The following IPO11 variants were observed in gnomAD, a reference collection of about 807,000 sequenced individuals.
IPO11 encodes importin-11.
In IPO11, 66 loss-of-function variants were observed where a neutral mutation model predicts 143.2. The ratio of observed to expected loss-of-function variants is 0.46; its 90% CI spans 0.38 to 0.57. IPO11 has a LOEUF of 0.57. Ranked by LOEUF, IPO11 falls within the 20% of genes least tolerant of loss-of-function variation. IPO11 has a pLI of 0.00. For missense variants in IPO11, 1,026 were observed against 1,141.0 expected (o/e 0.90, Z 1.45); for synonymous variants, 385 against 377.8 (o/e 1.02, Z -0.22).
intron 20 of IPO11, among the ~76,000 whole-genome samples, chr5:62,520,622 T>C (rs1438125042): frequency 6.6e-6 from 1 of 152,174 alleles, no homozygotes; most frequent in East Asian, 1.9e-4. Flanking sequence ...GAACGTGCTG[T>C]GTTTGGTTTT....
chr5:62,449,681 C>G (rs1744841206), intron 3 of IPO11: 1 of 296,374 alleles, frequency 3.4e-6, no homozygotes, highest in Admixed American at 5.1e-5. Context: ...TGCCAGTGTA[C>G]AAGTAATAGA....
At chr5:62,496,123 A>G (rs1280398593) in intron 16 of IPO11, among the ~76,000 whole-genome samples, 1 of 152,062 alleles carries the variant, frequency 6.6e-6, no homozygotes. Context: ...CCCCATCTCT[A>G]CTAAAAATAC....
At chr5:62,448,517 T>C (rs1179918457) in intron 3 of IPO11, among the ~76,000 whole-genome samples, 1 of 152,226 alleles carries the variant, frequency 6.6e-6, no homozygotes, top group African/African-American at 2.4e-5. Flanking sequence ...CTTGATATTC[T>C]TGTATTAGTA....
At chr5:62,472,741 C>T (rs1350187826) in intron 7 of IPO11, among the ~76,000 whole-genome samples, 3 of 152,140 alleles carry the variant, frequency 2.0e-5, no homozygotes, top group Admixed American at 6.5e-5. Flanking sequence ...GTTGGCCAGG[C>T]TGGTCTCGAA....
intron 12 of IPO11, among the ~76,000 whole-genome samples, chr5:62,487,344 C>T (rs894093888): frequency 1.3e-5 from 2 of 151,618 alleles, no homozygotes; most frequent in African/African-American, 2.4e-5. Flanking sequence ...TGCAGTGAGC[C>T]GAAATCACAC....
rs144936680 is a variant in IPO11, at chr5:62,519,479, A to G, written c.1896+3978A>G. Among the ~76,000 whole-genome samples, 125 of 152,328 alleles carry G rather than the reference A, an allele frequency of 8.2e-4. 1 individual carries two copies. The highest frequency in any genetic ancestry group is 3.4e-3 in the Middle Eastern group (1 of 294). The stretch of plus-strand genomic sequence containing the variant: ...GCATTACTTCTTGACTTCCCTGCAT[A>G]GAAGATGAAAATGTAATTCTTTTAT... On this transcript the variant is annotated intron_variant, in intron 20 of 29. Coordinates refer to ENST00000325324, the MANE Select transcript of IPO11 (RefSeq NM_016338.5).
At chr5:62,502,422 C>T (rs1741376320) in intron 16 of IPO11, among the ~76,000 whole-genome samples, 1 of 152,156 alleles carries the variant, frequency 6.6e-6, no homozygotes, top group Admixed American at 6.5e-5. Context: ...CCTCTTATTT[C>T]TTTTAAAGCT....
intron 29 of IPO11, among the ~76,000 whole-genome samples, chr5:62,616,719 CAAAAAAAAAAAAA>C (rs538760503): frequency 1.2e-5 from 1 of 84,428 alleles, no homozygotes; most frequent in Admixed American, 1.3e-4. Context: ...GACTCTGACT[CAAAAAAAAAAAAA>C]AAAAAAAAAA....
Position 62,494,108 on chromosome 5 carries a change from A to G in IPO11, c.1574A>G (p.Gln525Arg). 1.2e-6 allele frequency: 2 copies of G among 1,611,272 alleles called. No homozygotes were observed. Among genetic ancestry groups the G allele is most frequent in the Non-Finnish European group, 8.5e-7 (1 of 1,178,890 alleles). ...MLYEAICNLL[Q>R]DQDLVVRIET... ...TATGAAGCAATCTGTAACTTGCTTC[A>G]AGATCAAGATTTAGTGGTATGTTTC... Residue 525 changes from glutamine (Q) to arginine (R), a missense_variant, in exon 16 of 30, where the codon CAA becomes CGA. Around this residue, in one of 5 missense-constraint regions of IPO11, gnomAD observed 237 missense variants for 288.0 expected, o/e 0.82. Coordinates refer to ENST00000325324, the MANE Select transcript of IPO11 (RefSeq NM_016338.5).
Position 62,476,691 on chromosome 5 carries a change from A to G in IPO11, c.766A>G (p.Ile256Val), listed in dbSNP as rs762455674. ...LKQFLECSRS[I>V]GTDNVCRDRL... ...AAATGTATTTTTAACAGGTAGAAGT[A>G]TAGGTACAGATAATGTGTGTAGAGA... Residue 256 changes from isoleucine (I) to valine (V), a missense_variant, in exon 9 of 30, where the codon ATA becomes GTA. Physicochemically the swap from Ile to Val is conservative, Grantham distance 29. Around this residue, in one of 5 missense-constraint regions of IPO11, gnomAD observed 429 missense variants for 456.3 expected, o/e 0.94. Coordinates refer to ENST00000325324, the MANE Select transcript of IPO11 (RefSeq NM_016338.5). 12 of 1,519,434 alleles carry G rather than the reference A, an allele frequency of 7.9e-6. No individual in the cohort carries two copies. In the East Asian group the frequency reaches 2.9e-4, roughly 37 times the overall value. The allele number at this position is 1,519,434 out of a possible 1,614,324, so 94.1% of individuals were successfully genotyped here. A position where few individuals can be genotyped will look rare whatever the true frequency, so the allele number is the denominator to read the frequency against.
chr5:62,606,480 T>TTA (rs1554058320), intron 29 of IPO11, among the ~76,000 whole-genome samples: 1 of 56,106 alleles, frequency 1.8e-5, no homozygotes, highest in Non-Finnish European at 2.9e-5. Context: ...GACCCTGTCT[T>TTA]AAAAAAAAAA....
At chr5:62,443,218 A>G in intron 3 of IPO11, 135 bp downstream of exon 3, 1 of 515,288 alleles carries the variant, frequency 1.9e-6, no homozygotes, top group Non-Finnish European at 3.4e-6. Context: ...GGAGCAATAC[A>G]GAGACGATTA....
chr5:62,621,504 T>C (rs1386475910), intron 29 of IPO11, among the ~76,000 whole-genome samples: 1 of 152,064 alleles, frequency 6.6e-6, no homozygotes, highest in Non-Finnish European at 1.5e-5. Context: ...GCAGGCGGGT[T>C]AGAGATTCTC....
At position 62,621,057 on chromosome 5, in the gene IPO11, C is replaced by A. The variant is rs371780897; in HGVS notation, c.2764-6097C>A. On this transcript the variant is annotated intron_variant, in intron 29 of 29. Coordinates refer to ENST00000325324, the MANE Select transcript of IPO11 (RefSeq NM_016338.5). ...TGAATAATGGCACTTATCATTTCTG[C>A]TCACATTCCATTGGCTGGAAATGTG... Among the ~76,000 whole-genome samples the A allele has an allele frequency of 3.9e-5, 6 of 152,202 alleles. No individual in the cohort carries two copies. The East Asian group carries it at 7.7e-4, about 19-fold the overall frequency.
chr5:62,553,975 C>A (rs1031825979), intron 26 of IPO11, among the ~76,000 whole-genome samples: 2 of 152,128 alleles, frequency 1.3e-5, no homozygotes, highest in African/African-American at 4.8e-5. Flanking sequence ...AGGTGATCTG[C>A]CCGCCTCGGC....
chr5:62,477,507 C>T (rs142651149), intron 9 of IPO11, among the ~76,000 whole-genome samples: 81 of 152,244 alleles, frequency 5.3e-4, no homozygotes, highest in African/African-American at 1.7e-3. Flanking sequence ...CAGTTGTCTT[C>T]GTTTCTCTTG....
intron 6 of IPO11, among the ~76,000 whole-genome samples, chr5:62,469,534 C>T (rs191738300): frequency 2.6e-5 from 4 of 152,284 alleles, no homozygotes; most frequent in African/African-American, 9.6e-5. Context: ...CTTACACTGT[C>T]ACCATCCTTA....
chr5:62,487,473 T>G (rs781266303), intron 12 of IPO11, among the ~76,000 whole-genome samples: 1 of 152,130 alleles, frequency 6.6e-6, no homozygotes, highest in Non-Finnish European at 1.5e-5. Context: ...CTTTTTAAAT[T>G]TAAGGTATGA....
chr5:62,413,715 G>C (rs1417773332), intron 1 of IPO11, among the ~76,000 whole-genome samples: 4 of 152,182 alleles, frequency 2.6e-5, no homozygotes. Context: ...GTGCCCTTCA[G>C]ATTTCGGTTA....
Sources: allele counts gnomAD v4.1 joint callset (sites outside exome capture counted in the v4.1 genomes callset), GRCh38; gene constraint gnomAD v4.1.1; regional missense constraint gnomAD v4.1.1; transcripts MANE v1.5; gene names NCBI Gene and HGNC (gene_info 2026-07-23, HGNC 2026-07-21).